Variants in CCKBR observed in about 807,000 individuals in gnomAD.
The protein encoded by CCKBR is cholecystokinin B receptor, also known as gastrin/cholecystokinin type B receptor.
A neutral mutation model predicts 34.6 loss-of-function variants in CCKBR; 33 were observed. The observed-to-expected ratio is 0.95, with a 90% CI of 0.72 to 1.27. The LOEUF is 1.27. CCKBR is among the 50% of genes most tolerant of loss of function. The pLI is 0.00. For missense variants in CCKBR, 652 were observed against 617.4 expected, an observed-to-expected ratio of 1.06 and a Z score of -0.59; for synonymous variants, 269 against 267.5, an observed-to-expected ratio of 1.01 and a Z score of -0.06.
At chr11:6,269,001 G>C (rs76774246) in intron 1 of CCKBR, among the ~76,000 whole-genome samples, 4,954 of 151,796 alleles carry the variant, frequency 0.033, 121 homozygotes, top group Middle Eastern at 0.051. Flanking sequence ...AGAGTCACAA[G>C]TGCAAATGAT....
Position 6,271,569 on chromosome 11 carries a change from G to A in CCKBR, c.*26G>A. ...GGAGTAGAGGGGCCGTGGGGGTTGA[G>A]GCAGGGCAAATGACATGCACTGACC... On this transcript the variant is annotated 3_prime_UTR_variant, in exon 5 of 5. Transcript: ENST00000334619. 1 of 1,550,082 alleles carries A rather than the reference G, an allele frequency of 6.5e-7. No homozygotes were observed. The highest frequency in any genetic ancestry group is 8.7e-7 in the Non-Finnish European group (1 of 1,152,298).
rs1413076960 is a variant in CCKBR at position 6,260,065 on chromosome 11, G to C, written c.137G>C (p.Gly46Ala). 6.3e-7 allele frequency: 1 copy of C among 1,593,692 alleles called. No homozygotes were observed. The highest frequency in any genetic ancestry group is 8.5e-7 in the Non-Finnish European group (1 of 1,173,054). Residue 46 changes from glycine to alanine, a missense_variant, in exon 1 of 5, where the codon GGA becomes GCA. Gly to Ala is a moderately conservative substitution (Grantham distance 60). Coordinates refer to ENST00000334619, the MANE Select transcript of CCKBR (RefSeq NM_176875.4). ...NLSCEPPRIR[G>A]AGTRELELAI... Reference sequence around the variant, plus strand: ...AGCTGCGAGCCCCCTCGCATTCGCGGAGCCGGGACACGAGGTGGGTGCCTC... The same window carrying C: ...AGCTGCGAGCCCCCTCGCATTCGCGCAGCCGGGACACGAGGTGGGTGCCTC...
In CCKBR at chr11:6,271,726, A is replaced by G; in HGVS notation, c.*183A>G. 2 of 603,310 alleles carry G rather than the reference A, an allele frequency of 3.3e-6. No homozygotes were observed. Among genetic ancestry groups the G allele is most frequent in the South Asian group, 4.8e-5 (2 of 41,392 alleles). The allele number at this position is 603,310 out of a possible 1,614,324, so 37.4% of individuals were successfully genotyped here. A position where few individuals can be genotyped will look rare whatever the true frequency, so the allele number is the denominator to read the frequency against. ...AATAAGAATGGAGCAGTACATGGGA[A>G]AGGAGGCATGCCTCTGATATGGGAC... is the stretch of plus-strand genomic sequence containing the variant. On this transcript the variant is annotated 3_prime_UTR_variant, in exon 5 of 5. Coordinates refer to ENST00000334619, the MANE Select transcript of CCKBR (RefSeq NM_176875.4).
At chr11:6,270,540 C>T in intron 3 of CCKBR, 106 bp from the exon 4 acceptor site, 1 of 1,421,858 alleles carries the variant, frequency 7.0e-7, no homozygotes, top group South Asian at 1.4e-5. Flanking sequence ...CCTACTCCTA[C>T]TTCAGGTACC....
At chr11:6,261,805 C>T (rs1445942563) in intron 1 of CCKBR, among the ~76,000 whole-genome samples, 1 of 151,960 alleles carries the variant, frequency 6.6e-6, no homozygotes, top group South Asian at 2.1e-4. Context: ...ATGTGGAGAA[C>T]GGATTGGAAG....
intron 1 of CCKBR, among the ~76,000 whole-genome samples, chr11:6,267,973 T>C (rs1241150836): frequency 6.6e-6 from 1 of 152,166 alleles, no homozygotes; most frequent in East Asian, 1.9e-4. Flanking sequence ...AACTCCTGAG[T>C]AGCTATGACT....
At position 6,271,318 on chromosome 11, in the gene CCKBR, C is replaced by T. The variant is rs760363464; in HGVS notation, c.1119C>T (p.Ser373=). ...GAGCACTCTCGGGTGCTCCTATCTC[C>T]TTCATTCACTTGCTGAGCTACGCCT... is the stretch of plus-strand genomic sequence containing the variant. ...AHRALSGAPI[S]FIHLLSYASA... is the part of the protein sequence containing the mutation. Residue 373 remains serine, a synonymous_variant, in exon 5 of 5, where the codon TCC becomes TCT. Transcript: ENST00000334619. 2.1e-5 allele frequency: 34 copies of T among 1,614,108 alleles called. No individual in the cohort carries two copies. The South Asian group carries it at 3.4e-4, about 16-fold the overall frequency.
At chr11:6,265,310 A>G (rs1484483601) in intron 1 of CCKBR, among the ~76,000 whole-genome samples, 2 of 152,226 alleles carry the variant, frequency 1.3e-5, no homozygotes, top group Non-Finnish European at 2.9e-5. Context: ...GGAGTCCCCA[A>G]GCATATTGCA....
Position 6,271,665 on chromosome 11 carries a change from A to C in CCKBR, c.*122A>C. ...ACACCCAAAGCATGGACTAACCCCA[A>C]CGCACAGGAAAAGGTAGCTTACCTG... On this transcript the variant is annotated 3_prime_UTR_variant, in exon 5 of 5. Coordinates refer to ENST00000334619, the MANE Select transcript of CCKBR (RefSeq NM_176875.4). The C allele has an allele frequency of 1.0e-6, 1 of 961,800 alleles. No individual in the cohort carries two copies. Among genetic ancestry groups the C allele is most frequent in the Non-Finnish European group, 1.5e-6 (1 of 665,216 alleles). 59.6% of individuals were successfully genotyped at this position (961,800 alleles called of 1,614,324 possible). A position where few individuals can be genotyped will look rare whatever the true frequency, so the allele number is the denominator to read the frequency against.
chr11:6,267,297 A>G (rs1215106418), intron 1 of CCKBR, among the ~76,000 whole-genome samples: 1 of 152,222 alleles, frequency 6.6e-6, no homozygotes, highest in Non-Finnish European at 1.5e-5. Context: ...ATGGCTATAC[A>G]AAAATATTTT....
intron 1 of CCKBR, 63 bp downstream of exon 1, chr11:6,260,142 AG>A: frequency 7.8e-7 from 1 of 1,277,540 alleles, no homozygotes; most frequent in South Asian, 1.4e-5. Context: ...ACACTAATAG[AG>A]TCCCCCCAAC....
At chr11:6,269,196 A>G (rs1848254675) in intron 1 of CCKBR, among the ~76,000 whole-genome samples, 1 of 149,844 alleles carries the variant, frequency 6.7e-6, no homozygotes, top group African/African-American at 2.5e-5. Context: ...GAATAAAGAC[A>G]TGATCTGATG....
rs1848185399 is a variant in CCKBR, at chr11:6,264,709, G to A, written c.151+4630G>A. 7 of 521,436 alleles carry A rather than the reference G, an allele frequency of 1.3e-5. No homozygotes were observed. The South Asian group carries it at 1.7e-4, about 12-fold the overall frequency. The allele number at this position is 521,436 out of a possible 1,614,324, so 32.3% of individuals were successfully genotyped here. A position where few individuals can be genotyped will look rare whatever the true frequency, so the allele number is the denominator to read the frequency against. The stretch of plus-strand genomic sequence containing the variant: ...ACTGTCATCACTCATATTCCACCAT[G>A]CAAACACACATCAATACACACACAC... On this transcript the variant is annotated intron_variant, in intron 1 of 4. Coordinates refer to ENST00000334619, the MANE Select transcript of CCKBR (RefSeq NM_176875.4).
At chr11:6,263,087 T>C (rs1315522167) in intron 1 of CCKBR, among the ~76,000 whole-genome samples, 3 of 152,196 alleles carry the variant, frequency 2.0e-5, no homozygotes, top group Non-Finnish European at 4.4e-5. Flanking sequence ...TGCAGATGCA[T>C]AGGTTACCCA....
intron 1 of CCKBR, among the ~76,000 whole-genome samples, chr11:6,267,258 AAC>A (rs1345077491): frequency 2.0e-5 from 3 of 152,262 alleles, no homozygotes; most frequent in Admixed American, 1.3e-4. Context: ...CTTTTGTAAT[AAC>A]ACAGTGTAAA....
intron 1 of CCKBR, among the ~76,000 whole-genome samples, chr11:6,269,146 AAG>A (rs1848251937): frequency 9.1e-5 from 13 of 143,084 alleles, no homozygotes; most frequent in Non-Finnish European, 3.1e-5. Context: ...AGAGTAAGTG[AAG>A]TATTTTTTTT....
chr11:6,261,498 CAT>C (rs1564884765), intron 1 of CCKBR, among the ~76,000 whole-genome samples: 2 of 139,416 alleles, frequency 1.4e-5, no homozygotes, highest in African/African-American at 5.3e-5. Context: ...CACACACACA[CAT>C]ATACATATGG....
chr11:6,267,137 G>T (rs1848221251), intron 1 of CCKBR, among the ~76,000 whole-genome samples: 1 of 152,168 alleles, frequency 6.6e-6, no homozygotes, highest in African/African-American at 2.4e-5. Flanking sequence ...GGACATTACT[G>T]TACACTACTG....
chr11:6,268,554 G>T (rs1350131966), intron 1 of CCKBR, among the ~76,000 whole-genome samples: 1 of 152,174 alleles, frequency 6.6e-6, no homozygotes, highest in Non-Finnish European at 1.5e-5. Context: ...AGCTCCAACA[G>T]CACCTTATAC....
Sources: gnomAD v4.1 joint callset for allele counts (sites outside exome capture counted in the v4.1 genomes callset) on GRCh38, gnomAD v4.1.1 for gene constraint, MANE v1.5 for transcripts, NCBI Gene and HGNC (gene_info 2026-07-23, HGNC 2026-07-21) for gene names.